The following SCARA5 variants were observed in gnomAD, a reference collection of about 807,000 sequenced individuals.
SCARA5 encodes the protein scavenger receptor class A, member 5 (putative).
A neutral mutation model predicts 46.3 loss-of-function variants in SCARA5; 45 were observed. The observed-to-expected ratio is 0.97, with a 90% confidence interval of 0.76 to 1.24. The LOEUF (loss-of-function observed/expected upper bound fraction) is 1.24. Ranked by LOEUF, SCARA5 falls within the 50% of genes most tolerant of loss-of-function variation. The probability of loss-of-function intolerance (pLI) is 0.00; values close to 1 mark genes in which losing one functional copy is unlikely to be tolerated. For synonymous variants in SCARA5, 333 were observed against 306.5 expected (o/e 1.09, Z -0.90); for missense variants, 680 against 689.0 (o/e 0.99, Z 0.15).
intron 3 of SCARA5, among the ~76,000 whole-genome samples, chr8:27,941,400 T>C (rs1377866429): frequency 6.6e-6 from 1 of 152,216 alleles, no homozygotes; most frequent in Admixed American, 6.5e-5. Flanking sequence ...TCTGAGTCTC[T>C]CACTTTTGAC....
chr8:27,977,139 G>A (rs79114193), intron 2 of SCARA5, among the ~76,000 whole-genome samples: 2,346 of 152,246 alleles, frequency 0.015, 24 homozygotes, highest in Non-Finnish European at 0.023. Context: ...TGAGGGAGCC[G>A]CTGGGGTCCC....
At chr8:27,980,567 G>A (rs919714051) in intron 2 of SCARA5, among the ~76,000 whole-genome samples, 6 of 152,078 alleles carry the variant, frequency 3.9e-5, no homozygotes, top group Admixed American at 1.3e-4. Flanking sequence ...GGCCATGCCC[G>A]TCTGCATGGA....
At chr8:27,873,846 C>T (rs1011201802) in intron 8 of SCARA5, among the ~76,000 whole-genome samples, 1 of 152,102 alleles carries the variant, frequency 6.6e-6, no homozygotes, top group African/African-American at 2.4e-5. Flanking sequence ...CATGGCAAAA[C>T]CCCGTCTCTA....
chr8:27,961,580 A>G (rs549954612), intron 3 of SCARA5, among the ~76,000 whole-genome samples: 1 of 152,322 alleles, frequency 6.6e-6, no homozygotes, highest in Non-Finnish European at 1.5e-5. Context: ...CCGTTTTCAG[A>G]GAAGGGAGTT....
intron 2 of SCARA5, among the ~76,000 whole-genome samples, chr8:27,969,169 T>C (rs1054051280): frequency 6.6e-6 from 1 of 152,176 alleles, no homozygotes; most frequent in Non-Finnish European, 1.5e-5. Context: ...AACACATTTA[T>C]GGACTTTTTT....
chr8:27,969,685 A>T (rs1808419343), intron 2 of SCARA5, among the ~76,000 whole-genome samples: 1 of 152,208 alleles, frequency 6.6e-6, no homozygotes, highest in South Asian at 2.1e-4. Flanking sequence ...ACATAGGTTC[A>T]CTGATAGTAA....
chr8:27,963,161 G>T (rs932146040), intron 3 of SCARA5, among the ~76,000 whole-genome samples: 6 of 152,160 alleles, frequency 3.9e-5, no homozygotes, highest in African/African-American at 1.4e-4. Context: ...GATGGTTCCT[G>T]ATGACCACAC....
intron 3 of SCARA5, among the ~76,000 whole-genome samples, chr8:27,939,873 G>A (rs1807914909): frequency 6.6e-6 from 1 of 152,134 alleles, no homozygotes; most frequent in Admixed American, 6.5e-5. Flanking sequence ...CAGAATTGGA[G>A]CCCCAGACTA....
In SCARA5 at chr8:27,991,828, T is replaced by A. The variant is rs146949389; in HGVS notation, c.-16+429A>T. On this transcript the variant is annotated intron_variant, in intron 1 of 8. Coordinates refer to ENST00000354914, the MANE Select transcript of SCARA5 (RefSeq NM_173833.6). Reference sequence around the variant, plus strand: ...CCACATATATCCCACCACTGGCACATGCACACGCACAGACATGCACACACA... The same window carrying A: ...CCACATATATCCCACCACTGGCACAAGCACACGCACAGACATGCACACACA... 1.0e-3 allele frequency among the ~76,000 whole-genome samples: 152 copies of A among 152,028 alleles called. 2 individuals are homozygous for A. The East Asian group carries it at 0.026, about 26-fold the overall frequency.
At chr8:27,883,019 AG>A (rs1342159166) in intron 7 of SCARA5, among the ~76,000 whole-genome samples, 2 of 152,200 alleles carry the variant, frequency 1.3e-5, no homozygotes, top group Non-Finnish European at 2.9e-5. Context: ...CAAAGCTAAA[AG>A]GGCTCTGGGG....
intron 2 of SCARA5, among the ~76,000 whole-genome samples, chr8:27,976,813 G>A (rs1202878145): frequency 1.3e-5 from 2 of 152,174 alleles, no homozygotes; most frequent in East Asian, 3.9e-4. Flanking sequence ...TCGGGGCAAA[G>A]AGGATGGGGA....
At chr8:27,947,896 T>C (rs1441900624) in intron 3 of SCARA5, among the ~76,000 whole-genome samples, 1 of 151,886 alleles carries the variant, frequency 6.6e-6, no homozygotes, top group Non-Finnish European at 1.5e-5. Context: ...AGACAAACAC[T>C]GTCTGATTCC....
rs369374982 is a variant in SCARA5, at chr8:27,954,806, G to A, written c.241+11608C>T. 4.6e-4 allele frequency among the ~76,000 whole-genome samples: 70 copies of A among 152,294 alleles called. 1 individual carries two copies. The highest frequency in any genetic ancestry group is 2.9e-3 in the Admixed American group (45 of 15,302). On this transcript the variant is annotated intron_variant, in intron 3 of 8. Transcript: ENST00000354914. ...GCTTGTTTAGATGTGCTAAATGGCC[G>A]CAGCCAATGGTCAGGGGACAAGTGT...
Position 27,921,743 on chromosome 8 carries a change from C to G in SCARA5, c.744G>C (p.Leu248=). ...CGCTGGCGTTGCTCACCAGCACCCG[C>G]AGGTCCTGCAGCCGCGTGCGGTGGA... ...VALHRTRLQD[L]RVLVSNASED... is the part of the protein sequence containing the mutation. Residue 248 remains leucine, a synonymous_variant, in exon 4 of 9, where the codon CTG becomes CTC. Transcript: ENST00000354914. 1 of 1,586,490 alleles carries G rather than the reference C, an allele frequency of 6.3e-7. No homozygotes were observed. The highest frequency in any genetic ancestry group is 8.6e-7 in the Non-Finnish European group (1 of 1,168,804).
chr8:27,930,700 C>A (rs535448357), intron 3 of SCARA5, among the ~76,000 whole-genome samples: 8 of 152,330 alleles, frequency 5.3e-5, no homozygotes, highest in African/African-American at 1.9e-4. Flanking sequence ...CCGCGCCCAG[C>A]CTAAACTTCT....
chr8:27,872,221 T>A, intron 8 of SCARA5, 151 bp from the exon 9 acceptor site: 1 of 690,452 alleles, frequency 1.4e-6, no homozygotes, highest in Non-Finnish European at 2.4e-6. Flanking sequence ...CCCGAAGACC[T>A]CATACTTATT....
chr8:27,981,902 G>A (rs534864444), intron 2 of SCARA5, among the ~76,000 whole-genome samples: 8 of 152,374 alleles, frequency 5.3e-5, no homozygotes, highest in Non-Finnish European at 1.5e-5. Context: ...CTCTTCCAGA[G>A]GCCCCAGCCA....
intron 4 of SCARA5, among the ~76,000 whole-genome samples, chr8:27,918,309 T>C (rs952486838): frequency 6.6e-6 from 1 of 152,080 alleles, no homozygotes; most frequent in Non-Finnish European, 1.5e-5. Context: ...TTAAACCACC[T>C]CATAGATTCT....
chr8:27,933,550 C>CAGATTCATG (rs1473262995), intron 3 of SCARA5, among the ~76,000 whole-genome samples: 1 of 146,220 alleles, frequency 6.8e-6, no homozygotes, highest in Admixed American at 6.9e-5. Flanking sequence ...GACAACAGGG[C>CAGATTCATG]AGATTCATGA....
Sources: gnomAD v4.1 joint callset for allele counts (sites outside exome capture counted in the v4.1 genomes callset) on GRCh38, gnomAD v4.1.1 for gene constraint, MANE v1.5 for transcripts, NCBI Gene and HGNC (gene_info 2026-07-23, HGNC 2026-07-21) for gene names.